The following RASA3 variants were observed in gnomAD, a reference collection of about 807,000 sequenced individuals.
RASA3 encodes the protein ras GTPase-activating protein 3.
A neutral mutation model predicts 110.0 loss-of-function variants in RASA3; 73 were observed. The ratio of observed to expected loss-of-function variants is 0.66; its 90% CI spans 0.55 to 0.81. The LOEUF (loss-of-function observed/expected upper bound fraction) is 0.81, where lower values mean the gene tolerates loss of function less well. RASA3 is among the 30% of genes least tolerant of loss of function. The probability of loss-of-function intolerance (pLI) is 0.00; values close to 1 mark genes in which losing one functional copy is unlikely to be tolerated. For missense variants in RASA3, 976 were observed against 1,113.2 expected (o/e 0.88, Z 1.75); for synonymous variants, 500 against 451.4 (o/e 1.11, Z -1.37).
chr13:114,053,388 C>G (rs1035140497), intron 2 of RASA3, among the ~76,000 whole-genome samples: 2 of 152,262 alleles, frequency 1.3e-5, no homozygotes, highest in East Asian at 1.9e-4. Context: ...GTTTCCTCCC[C>G]ACGCCGGACC....
intron 4 of RASA3, among the ~76,000 whole-genome samples, chr13:114,039,886 A>C (rs994067870): frequency 5.3e-5 from 8 of 152,184 alleles, no homozygotes; most frequent in Non-Finnish European, 7.3e-5. Context: ...AGTCCCGGCA[A>C]GCCAGGGTGA....
rs1406078634 is a variant in RASA3 at position 114,132,438 on chromosome 13, T to C, written c.52A>G (p.Ile18Val). ...GTGGCTGCCGGCGGACACTCACCGA[T>C]CTTGATCTTCACGCTCTGGAAGACC... The part of the protein sequence containing the change: ...LRVFQSVKIK[I>V]GEAKNLPSYP... Residue 18 changes from isoleucine (I) to valine (V), a missense_variant, in exon 1 of 24, where the codon ATC becomes GTC. Physicochemically the swap from Ile to Val is conservative, Grantham distance 29 (BLOSUM62 3). Around this residue, in one of 4 missense-constraint regions of RASA3, gnomAD observed 732 missense variants for 779.7 expected, o/e 0.94. Transcript: ENST00000334062. The C allele has an allele frequency of 5.9e-6, 9 of 1,529,320 alleles. No individual in the cohort carries two copies. Among genetic ancestry groups the C allele is most frequent in the Non-Finnish European group, 7.0e-6 (8 of 1,145,882 alleles). 94.7% of individuals were successfully genotyped at this position (1,529,320 alleles called of 1,614,324 possible).
intron 16 of RASA3, among the ~76,000 whole-genome samples, 199 bp from the exon 17 acceptor site, chr13:114,009,663 C>T (rs1428057967): frequency 6.6e-6 from 1 of 152,258 alleles, no homozygotes; most frequent in African/African-American, 2.4e-5. Context: ...CCAACGAAGA[C>T]CATCAGACCT....
At chr13:114,062,163 G>T (rs1266449452) in intron 2 of RASA3, among the ~76,000 whole-genome samples, 1 of 149,010 alleles carries the variant, frequency 6.7e-6, no homozygotes, top group African/African-American at 2.5e-5. Flanking sequence ...CCATTTATGT[G>T]CAAGTTTTTA....
chr13:114,071,386 T>A (rs2079570248), intron 2 of RASA3, among the ~76,000 whole-genome samples: 1 of 152,166 alleles, frequency 6.6e-6, no homozygotes, highest in Non-Finnish European at 1.5e-5. Flanking sequence ...CAGATTCTCC[T>A]CCCACTGGCT....
chr13:114,028,457 ATCTGGGAGCCAGGACCCCTAAAACAGTG>A (rs2054077189), intron 5 of RASA3, among the ~76,000 whole-genome samples: 1 of 151,176 alleles, frequency 6.6e-6, no homozygotes, highest in African/African-American at 2.4e-5. Flanking sequence ...AAACAGCGTC[ATCTGGGAGCCAGGACCCCTAAAACAGTG>A]TCATCTGGGA....
chr13:113,982,196 G>T (rs1047046805), intron 22 of RASA3, among the ~76,000 whole-genome samples: 1 of 152,190 alleles, frequency 6.6e-6, no homozygotes, highest in African/African-American at 2.4e-5. Context: ...CGCCCCACCA[G>T]CCCGCCCAGC....
intron 14 of RASA3, among the ~76,000 whole-genome samples, chr13:114,013,862 CCCTG>C (rs2053714893): frequency 2.2e-5 from 1 of 46,168 alleles, no homozygotes; most frequent in Non-Finnish European, 4.4e-5. Context: ...CTGTCTCTCT[CCCTG>C]TCTCTCTCCC....
chr13:114,053,042 T>A, intron 2 of RASA3, among the ~76,000 whole-genome samples: 1 of 143,768 alleles, frequency 7.0e-6, no homozygotes, highest in Admixed American at 6.9e-5. Context: ...GAGTCCTGGC[T>A]CCTGGGGAAG....
intron 1 of RASA3, among the ~76,000 whole-genome samples, chr13:114,078,737 C>T (rs957888340): frequency 6.6e-6 from 1 of 152,262 alleles, no homozygotes; most frequent in Non-Finnish European, 1.5e-5. Flanking sequence ...CCCACGCCCA[C>T]GGCAGCCCTT....
intron 22 of RASA3, among the ~76,000 whole-genome samples, chr13:113,990,228 A>C (rs2053075711): frequency 6.6e-6 from 1 of 152,094 alleles, no homozygotes; most frequent in African/African-American, 2.4e-5. Flanking sequence ...TCTTTATAGC[A>C]ACATGAGAAC....
intron 7 of RASA3, among the ~76,000 whole-genome samples, chr13:114,026,389 C>G (rs1340912614): frequency 6.6e-6 from 1 of 152,268 alleles, no homozygotes. Context: ...GCAAAACCAT[C>G]TTCTCCGCCT....
intron 9 of RASA3, among the ~76,000 whole-genome samples, chr13:114,021,147 T>C (rs894764780): frequency 6.6e-6 from 1 of 152,180 alleles, no homozygotes; most frequent in Non-Finnish European, 1.5e-5. Context: ...CCTGTCTTGT[T>C]TTGAGGTGCC....
chr13:114,113,156 G>A (rs1293861847), intron 1 of RASA3, among the ~76,000 whole-genome samples: 3 of 152,186 alleles, frequency 2.0e-5, no homozygotes, highest in Non-Finnish European at 4.4e-5. Flanking sequence ...GTACCTCCTG[G>A]GCTGTTTCCA....
At chr13:113,996,080 ATGGGGGGCCCG>A (rs2053249092) in intron 21 of RASA3, among the ~76,000 whole-genome samples, 5 of 53,682 alleles carry the variant, frequency 9.3e-5, no homozygotes, top group South Asian at 7.4e-4. Flanking sequence ...GGCCCGGCTG[ATGGGGGGCCCG>A]GCTGATGGGG....
chr13:114,079,030 A>C (rs1349902856), intron 1 of RASA3, among the ~76,000 whole-genome samples: 1 of 152,236 alleles, frequency 6.6e-6, no homozygotes, highest in Non-Finnish European at 1.5e-5. Flanking sequence ...TCAACACAGC[A>C]GCGGGCGTCT....
At chr13:114,097,034 C>A (rs2079955193) in intron 1 of RASA3, among the ~76,000 whole-genome samples, 1 of 152,218 alleles carries the variant, frequency 6.6e-6, no homozygotes, top group Non-Finnish European at 1.5e-5. Flanking sequence ...CCACACCTGT[C>A]CCTGAGTGTT....
In RASA3 at chr13:114,115,915, C is replaced by T. The variant is rs2080269436; in HGVS notation, c.55+16520G>A. On this transcript the variant is annotated intron_variant, in intron 1 of 23. Transcript: ENST00000334062. This position sits in a 1 kb window ranked among gnomAD's most constrained non-coding sequence, Gnocchi z 5.0. The stretch of plus-strand genomic sequence containing the variant: ...ATAACCAGCAGGCTTAAAGAAGAAA[C>T]CCAAACGCTCTGTGAATGGGACATG... Among the ~76,000 whole-genome samples the T allele has an allele frequency of 6.6e-6, 1 of 152,226 alleles. No homozygotes were observed. Among genetic ancestry groups the T allele is most frequent in the Non-Finnish European group, 1.5e-5 (1 of 68,044 alleles).
chr13:114,027,330 C>T, intron 7 of RASA3, 59 bp downstream of exon 7: 1 of 1,365,110 alleles, frequency 7.3e-7, no homozygotes, highest in Non-Finnish European at 1.0e-6. Context: ...TCCAGACTTT[C>T]TGCCAACGTG....
Sources: gnomAD v4.1 joint callset for allele counts (sites outside exome capture counted in the v4.1 genomes callset) on GRCh38, gnomAD v4.1.1 for gene constraint, gnomAD v4.1.1 regional missense constraint, Gnocchi (gnomAD v3.1) non-coding constraint, MANE v1.5 for transcripts, NCBI Gene and HGNC (gene_info 2026-07-23, HGNC 2026-07-21) for gene names.